SLC26A7: variants seen among roughly 807,000 people sequenced by gnomAD.
The protein encoded by SLC26A7 is solute carrier family 26 member 7, also known as anion exchange transporter.
A neutral mutation model predicts 82.5 loss-of-function variants in SLC26A7; 59 were observed. That is an observed-to-expected ratio of 0.72 (90% CI 0.58 to 0.89). The LOEUF (loss-of-function observed/expected upper bound fraction) is 0.89, where lower values mean the gene tolerates loss of function less well. SLC26A7 is among the 40% of genes least tolerant of loss of function. SLC26A7 has a pLI of 0.00. For missense variants in SLC26A7, 820 were observed against 793.0 expected (o/e 1.03, Z -0.41); for synonymous variants, 271 against 274.3 (o/e 0.99, Z 0.12).
intron 9 of SLC26A7, among the ~76,000 whole-genome samples, chr8:91,349,934 A>T (rs902062879): frequency 1.3e-5 from 2 of 152,204 alleles, no homozygotes; most frequent in African/African-American, 4.8e-5. Flanking sequence ...GTTGCAGTAT[A>T]GTAGAATGTC....
At chr8:91,327,142 C>T (rs917058516) in intron 5 of SLC26A7, among the ~76,000 whole-genome samples, 3 of 152,072 alleles carry the variant, frequency 2.0e-5, no homozygotes, top group African/African-American at 7.2e-5. Context: ...TAGGGGACTA[C>T]AATTCACTCA....
At chr8:91,269,944 G>T (rs962307342) in intron 2 of SLC26A7, among the ~76,000 whole-genome samples, 2 of 151,684 alleles carry the variant, frequency 1.3e-5, no homozygotes, top group Non-Finnish European at 2.9e-5. Context: ...TAAATTGTTT[G>T]TATTTATTTG....
At chr8:91,348,149 C>T in intron 9 of SLC26A7, 1 of 180,426 alleles carries the variant, frequency 5.5e-6, no homozygotes, top group Non-Finnish European at 1.1e-5. Flanking sequence ...ATTTGCCAAA[C>T]TGTATTCCTT....
intron 4 of SLC26A7, among the ~76,000 whole-genome samples, chr8:91,295,958 GT>G (rs1812005787): frequency 6.6e-6 from 1 of 152,166 alleles, no homozygotes; most frequent in Non-Finnish European, 1.5e-5. Context: ...TCTAAAAAAT[GT>G]TTCAGAAAAT....
chr8:91,265,211 G>A (rs746834087), intron 2 of SLC26A7, among the ~76,000 whole-genome samples: 1 of 152,174 alleles, frequency 6.6e-6, no homozygotes, highest in Middle Eastern at 3.4e-3. Flanking sequence ...TTGTACAAAT[G>A]ACAGGATTTT....
chr8:91,394,842 G>C (rs1442824026), intron 18 of SLC26A7: 1 of 810,642 alleles, frequency 1.2e-6, no homozygotes, highest in East Asian at 3.0e-5. Context: ...AAACTGACCA[G>C]GGAAATTACA....
In SLC26A7 at chr8:91,285,533, C is replaced by T. The variant is rs550139313; in HGVS notation, c.194-3603C>T. 6.6e-5 allele frequency among the ~76,000 whole-genome samples: 10 copies of T among 152,330 alleles called. No homozygotes were observed. In the South Asian group the frequency reaches 1.7e-3, roughly 25 times the overall value. ...CCAAATAAGATCACATTCTGAGGTA[C>T]TCAGGGTTAGGAGTTCAACATATAA... On this transcript the variant is annotated intron_variant, in intron 2 of 18. Transcript: ENST00000276609.
intron 15 of SLC26A7, among the ~76,000 whole-genome samples, chr8:91,380,689 T>C (rs980761181): frequency 6.6e-6 from 1 of 152,222 alleles, no homozygotes; most frequent in African/African-American, 2.4e-5. Flanking sequence ...TTGCATTTTC[T>C]GATTACCATC....
chr8:91,237,134 T>G (rs1401876489), intron 2 of SLC26A7, among the ~76,000 whole-genome samples: 2 of 152,220 alleles, frequency 1.3e-5, no homozygotes, highest in Non-Finnish European at 2.9e-5. Context: ...CCCTGAACTC[T>G]GTTATAGTAT....
At chr8:91,358,131 G>C (rs1190803366) in intron 11 of SLC26A7, among the ~76,000 whole-genome samples, 10 of 152,252 alleles carry the variant, frequency 6.6e-5, no homozygotes, top group African/African-American at 1.9e-4. Flanking sequence ...AGAGGATGTG[G>C]AGAAACAGAA....
chr8:91,248,834 A>G (rs1287823214), upstream of SLC26A7, among the ~76,000 whole-genome samples: 1 of 152,112 alleles, frequency 6.6e-6, no homozygotes, highest in African/African-American at 2.4e-5. Flanking sequence ...GACAGGGAAG[A>G]TCTCCTGTCA....
chr8:91,262,876 AATT>A (rs1322065237), intron 2 of SLC26A7, among the ~76,000 whole-genome samples: 3 of 152,224 alleles, frequency 2.0e-5, no homozygotes, highest in African/African-American at 7.2e-5. Flanking sequence ...ATATTTTAAC[AATT>A]ATTAATATAA....
At chr8:91,307,715 G>A (rs1259175444) in intron 4 of SLC26A7, among the ~76,000 whole-genome samples, 1 of 140,916 alleles carries the variant, frequency 7.1e-6, no homozygotes, top group African/African-American at 2.6e-5. Context: ...CGAGTTAGTG[G>A]GTGCAGCGCA....
chr8:91,311,387 T>G (rs1812481603), intron 4 of SLC26A7, among the ~76,000 whole-genome samples: 1 of 152,036 alleles, frequency 6.6e-6, no homozygotes, highest in South Asian at 2.1e-4. Flanking sequence ...CTACATTCCA[T>G]TCTGAGAACT....
intron 2 of SLC26A7, among the ~76,000 whole-genome samples, chr8:91,284,104 A>G (rs915626591): frequency 6.6e-6 from 1 of 152,226 alleles, no homozygotes; most frequent in South Asian, 2.1e-4. Context: ...AAACTAGCCA[A>G]ACTAAAAGTT....
intron 15 of SLC26A7, among the ~76,000 whole-genome samples, chr8:91,371,183 GT>G (rs1430583979): frequency 1.3e-5 from 2 of 151,800 alleles, no homozygotes; most frequent in African/African-American, 4.8e-5. Context: ...GAAGAAATAG[GT>G]TGATGCTGAA....
intron 2 of SLC26A7, among the ~76,000 whole-genome samples, chr8:91,266,884 T>C (rs994273842): frequency 6.6e-6 from 1 of 152,024 alleles, no homozygotes; most frequent in African/African-American, 2.4e-5. Context: ...CTGTGATATA[T>C]GGCCTTTATT....
intron 11 of SLC26A7, among the ~76,000 whole-genome samples, chr8:91,360,579 T>C (rs1204917202): frequency 6.6e-6 from 1 of 152,196 alleles, no homozygotes; most frequent in Non-Finnish European, 1.5e-5. Context: ...AAGCCCAACT[T>C]ATAATAGATG....
chr8:91,219,830 T>G (rs939028181), intron 2 of SLC26A7, among the ~76,000 whole-genome samples: 1 of 152,160 alleles, frequency 6.6e-6, no homozygotes, highest in Non-Finnish European at 1.5e-5. Flanking sequence ...CTTTGCATGC[T>G]CTAGTTTGAG....
Sources: allele counts gnomAD v4.1 joint callset (sites outside exome capture counted in the v4.1 genomes callset), GRCh38; gene constraint gnomAD v4.1.1; transcripts MANE v1.5; gene names NCBI Gene and HGNC (gene_info 2026-07-23, HGNC 2026-07-21).